PCDH11X: variants seen among roughly 807,000 people sequenced by gnomAD.
The protein encoded by PCDH11X is protocadherin-11 X-linked.
A neutral mutation model predicts 53.3 loss-of-function variants in PCDH11X; 18 were observed. The ratio of observed to expected loss-of-function variants is 0.34; its 90% CI spans 0.23 to 0.50. The LOEUF is 0.50. Ranked by LOEUF, PCDH11X falls within the 20% of genes least tolerant of loss-of-function variation. PCDH11X has a pLI of 0.98. For missense variants in PCDH11X, 570 were observed against 1,032.4 expected (o/e 0.55, Z 6.14); for synonymous variants, 279 against 393.3 (o/e 0.71, Z 3.44).
intron 6 of PCDH11X, among the ~76,000 whole-genome samples, chrX:91,902,443 G>T: frequency 9.8e-6 from 1 of 102,031 alleles, no homozygotes; most frequent in African/African-American, 3.6e-5. Flanking sequence ...GATTTTTTTT[G>T]GCCTTCTGGT....
intron 6 of PCDH11X, among the ~76,000 whole-genome samples, chrX:92,157,242 A>T (rs1235685916): frequency 2.7e-5 from 3 of 111,495 alleles, no homozygotes; most frequent in Non-Finnish European, 5.6e-5. Flanking sequence ...TACCTATTAG[A>T]GAGCTAAAGG....
At chrX:92,557,638 T>C (rs1280952714) in intron 10 of PCDH11X, among the ~76,000 whole-genome samples, 3 of 109,275 alleles carry the variant, frequency 2.7e-5, no homozygotes, top group Admixed American at 2.0e-4. Context: ...TTCTGAGCCC[T>C]CCAAGCCTCT....
chrX:91,899,695 C>T (rs1028710169), intron 6 of PCDH11X, among the ~76,000 whole-genome samples: 20 of 110,587 alleles, frequency 1.8e-4, no homozygotes, highest in Non-Finnish European at 3.0e-4. Flanking sequence ...ATAAAGTTAA[C>T]GATAGTTAAA....
At chrX:92,259,941 C>G (rs2067679316) in intron 7 of PCDH11X, among the ~76,000 whole-genome samples, 1 of 111,744 alleles carries the variant, frequency 8.9e-6, no homozygotes, top group Non-Finnish European at 1.9e-5. Context: ...GTTGCCGTGT[C>G]TTCCTCTGTC....
intron 6 of PCDH11X, among the ~76,000 whole-genome samples, chrX:92,025,962 C>T (rs922862276): frequency 9.9e-5 from 11 of 110,660 alleles, no homozygotes; most frequent in Non-Finnish European, 1.7e-4. Context: ...AACCAAATAT[C>T]GCGTGTTCTC....
chrX:91,826,165 C>T (rs1463528603), intron 4 of PCDH11X, among the ~76,000 whole-genome samples: 2 of 111,317 alleles, frequency 1.8e-5, no homozygotes, highest in African/African-American at 6.6e-5. Context: ...AATAGTAACT[C>T]ATTGTAAGTA....
intron 6 of PCDH11X, among the ~76,000 whole-genome samples, chrX:92,001,535 C>T (rs2062510250): frequency 9.8e-6 from 1 of 102,455 alleles, no homozygotes; most frequent in Non-Finnish European, 2.0e-5. Flanking sequence ...ATGGCGTGCT[C>T]TCGGCTCACC....
rs1301871446 is a variant in PCDH11X at position 91,877,705 on chromosome X, A to T, written c.1465A>T (p.Ser489Cys). 8.3e-7 allele frequency: 1 copy of T among 1,211,745 alleles called. No homozygotes were observed. Among genetic ancestry groups the T allele is most frequent in the South Asian group, 1.8e-5 (1 of 56,973 alleles). ...TCCTGGCATCCAGTTGACGAAAGTAAGTGCAATGGATGCAGACAGTGGGCC... is the reference window on the plus strand; with the variant it reads ...TCCTGGCATCCAGTTGACGAAAGTATGTGCAATGGATGCAGACAGTGGGCC... ...NSPGIQLTKV[S>C]AMDADSGPNA... The change falls in exon 6 of 11, where the codon AGT becomes TGT. Residue 489 changes from serine to cysteine, a missense_variant. Ser to Cys is a moderately radical substitution (Grantham distance 112, BLOSUM62 -1). Coordinates refer to ENST00000682573, the MANE Select transcript of PCDH11X (RefSeq NM_032968.5).
intron 10 of PCDH11X, among the ~76,000 whole-genome samples, chrX:92,489,155 T>A (rs1424726084): frequency 9.1e-6 from 1 of 109,746 alleles, no homozygotes; most frequent in Non-Finnish European, 1.9e-5. Flanking sequence ...AGTATCACAA[T>A]AGAATGGCAT....
chrX:92,594,260 C>T (rs1168228591), intron 10 of PCDH11X, among the ~76,000 whole-genome samples: 1 of 107,369 alleles, frequency 9.3e-6, no homozygotes, highest in Non-Finnish European at 1.9e-5. Context: ...ACAAACTTTC[C>T]ATGGTCAAAT....
At chrX:92,295,151 C>A (rs2068580313) in intron 8 of PCDH11X, among the ~76,000 whole-genome samples, 2 of 107,574 alleles carry the variant, frequency 1.9e-5, no homozygotes, top group South Asian at 8.3e-4. Context: ...AGGGTAAATG[C>A]AAACAGAATA....
At chrX:92,575,938 T>TACACACACAC (rs1250408122) in intron 10 of PCDH11X, among the ~76,000 whole-genome samples, 14 of 27,096 alleles carry the variant, frequency 5.2e-4, no homozygotes, top group East Asian at 7.0e-4. Context: ...TATATATATA[T>TACACACACAC]ATATATACAC....
intron 10 of PCDH11X, among the ~76,000 whole-genome samples, chrX:92,482,113 G>A (rs1300913427): frequency 7.7e-5 from 8 of 104,538 alleles, no homozygotes; most frequent in Non-Finnish European, 1.2e-4. Context: ...CTTCTAGTTG[G>A]CCATCTTGCT....
intron 6 of PCDH11X, among the ~76,000 whole-genome samples, chrX:92,101,515 C>T (rs1196130190): frequency 3.6e-5 from 4 of 111,231 alleles, no homozygotes; most frequent in Non-Finnish European, 7.5e-5. Context: ...ATAAAGGTTT[C>T]ACTGAATACT....
chrX:92,117,115 T>C (rs1331256988), intron 6 of PCDH11X, among the ~76,000 whole-genome samples: 1 of 107,824 alleles, frequency 9.3e-6, no homozygotes, highest in Non-Finnish European at 1.9e-5. Context: ...GTCTTTAAAC[T>C]TGTAAAGGGT....
intron 6 of PCDH11X, among the ~76,000 whole-genome samples, chrX:91,938,722 C>T (rs1031911658): frequency 9.0e-6 from 1 of 110,688 alleles, no homozygotes; most frequent in African/African-American, 3.3e-5. Flanking sequence ...TTCTACTAGT[C>T]AGACTGGAAA....
chrX:92,609,692 G>C (rs1391333751), intron 10 of PCDH11X, among the ~76,000 whole-genome samples: 1 of 110,299 alleles, frequency 9.1e-6, no homozygotes, highest in Non-Finnish European at 1.9e-5. Flanking sequence ...ATTGGGTGAC[G>C]CTGAGGTTTG....
intron 6 of PCDH11X, among the ~76,000 whole-genome samples, chrX:92,177,161 A>G (rs1397102366): frequency 9.1e-6 from 1 of 109,623 alleles, no homozygotes; most frequent in East Asian, 2.9e-4. Flanking sequence ...TATTTTTAGT[A>G]GAGATGAGGT....
At chrX:92,174,822 A>G (rs2065879931) in intron 6 of PCDH11X, among the ~76,000 whole-genome samples, 1 of 111,848 alleles carries the variant, frequency 8.9e-6, no homozygotes, top group Non-Finnish European at 1.9e-5. Context: ...AGGCTCAACT[A>G]TATTTTGTTC....
Sources: allele counts gnomAD v4.1 joint callset (sites outside exome capture counted in the v4.1 genomes callset), GRCh38; gene constraint gnomAD v4.1.1; transcripts MANE v1.5; gene names NCBI Gene and HGNC (gene_info 2026-07-23, HGNC 2026-07-21).